POLQ: variants seen among roughly 807,000 people sequenced by gnomAD.
The protein encoded by POLQ is epididymis secretory sperm binding protein.
In POLQ, 233 loss-of-function variants were observed where a neutral mutation model predicts 259.2. The ratio of observed to expected loss-of-function variants is 0.90; its 90% confidence interval spans 0.81 to 1.00. The LOEUF (loss-of-function observed/expected upper bound fraction) is 1.00. POLQ is among the 50% of genes least tolerant of loss of function. The probability of loss-of-function intolerance (pLI) is 0.00; values close to 1 mark genes in which losing one functional copy is unlikely to be tolerated. For synonymous variants in POLQ, 1,025 were observed against 1,048.8 expected, an observed-to-expected ratio of 0.98 and a Z score of 0.44; for missense variants, 2,871 against 3,051.6, an observed-to-expected ratio of 0.94 and a Z score of 1.39.
intron 17 of POLQ, 118 bp downstream of exon 17, chr3:121,484,923 T>C: frequency 1.2e-6 from 1 of 840,724 alleles, no homozygotes; most frequent in South Asian, 2.3e-5. Context: ...AAAAAAAATT[T>C]AACTCTAAAA....
At chr3:121,437,985 T>C (rs943569469) in intron 27 of POLQ, among the ~76,000 whole-genome samples, 2 of 152,110 alleles carry the variant, frequency 1.3e-5, no homozygotes, top group Admixed American at 1.3e-4. Flanking sequence ...GGGAAGGCGA[T>C]GGGTGGTGAT....
chr3:121,431,623 C>A lies in POLQ; in HGVS notation c.*681G>T, dbSNP rs2047493286. ...TTGACCTGCAATAAAAACATCTGAT[C>A]TTACAGAACAGGATACCTCTTGAAG... On this transcript the variant is annotated 3_prime_UTR_variant, in exon 30 of 30. Coordinates refer to ENST00000264233, the MANE Select transcript of POLQ (RefSeq NM_199420.4). The A allele has an allele frequency of 6.6e-6, 1 of 152,482 alleles. No individual in the cohort carries two copies. Among genetic ancestry groups the A allele is most frequent in the African/African-American group, 2.4e-5 (1 of 41,384 alleles). The allele number at this position is 152,482 out of a possible 1,614,324, so 9.4% of individuals were successfully genotyped here.
chr3:121,439,930 C>G, intron 27 of POLQ, 62 bp downstream of exon 27: 3 of 1,413,716 alleles, frequency 2.1e-6, no homozygotes, highest in Non-Finnish European at 3.0e-6. Context: ...AGTATTTACT[C>G]TGCTGAAAAA....
intron 29 of POLQ, 65 bp from the exon 30 acceptor site, chr3:121,432,482 T>C (rs899951313): frequency 1.3e-6 from 2 of 1,548,948 alleles, no homozygotes; most frequent in East Asian, 2.4e-5. Context: ...AACCATCCCC[T>C]GAGAAAGTTA....
Position 121,511,925 on chromosome 3 carries a change from C to T in POLQ, c.1573G>A (p.Glu525Lys). 1.2e-6 allele frequency: 2 copies of T among 1,613,938 alleles called. No homozygotes were observed. The highest frequency in any genetic ancestry group is 1.7e-5 in the Admixed American group (1 of 59,952). The part of the protein sequence containing the change: ...VRSCLQRREG[E>K]EVTGSMIRAI... The stretch of plus-strand genomic sequence containing the variant: ...CGTATCATGCTGCCAGTTACTTCTT[C>T]TCCTTCTCGTCTTTGCAGACAGCTG... Residue 525 changes from glutamate to lysine, a missense_variant, in exon 10 of 30, where the codon GAA (glutamate) becomes AAA (lysine). Coordinates refer to ENST00000264233, the MANE Select transcript of POLQ (RefSeq NM_199420.4).
rs2047781805 is a variant in POLQ at position 121,460,296 on chromosome 3, C to A, written c.6968-62G>T. ...GTTTCTATATCACACAATCCAAGTT[C>A]TATATCATATAATTGAGCAGGATGA... is the stretch of plus-strand genomic sequence containing the variant. On this transcript the variant is annotated intron_variant, in intron 24 of 29. Transcript: ENST00000264233. 4.0e-6 allele frequency: 5 copies of A among 1,246,296 alleles called. No individual in the cohort carries two copies. The South Asian group carries it at 6.5e-5, about 16-fold the overall frequency. 77.2% of individuals were successfully genotyped at this position (1,246,296 alleles called of 1,614,324 possible). A position where few individuals can be genotyped will look rare whatever the true frequency, so the allele number is the denominator to read the frequency against.
chr3:121,458,976 AT>A (rs1307359429), intron 25 of POLQ, among the ~76,000 whole-genome samples: 1 of 152,214 alleles, frequency 6.6e-6, no homozygotes, highest in East Asian at 1.9e-4. Context: ...GGTGGTGTGC[AT>A]TTACCTCAGC....
intron 25 of POLQ, among the ~76,000 whole-genome samples, chr3:121,459,310 TAA>T (rs1377660991): frequency 1.4e-5 from 2 of 147,512 alleles, no homozygotes; most frequent in Non-Finnish European, 3.0e-5. Flanking sequence ...CTTGATGCTA[TAA>T]AAGATATAAA....
intron 25 of POLQ, among the ~76,000 whole-genome samples, chr3:121,454,910 C>G (rs140568483): frequency 6.6e-6 from 1 of 152,172 alleles, no homozygotes; most frequent in Non-Finnish European, 1.5e-5. Flanking sequence ...ACTCTCCACC[C>G]CAAATCAATA....
intron 7 of POLQ, 62 bp from the exon 8 acceptor site, chr3:121,522,211 C>A (rs13059229): frequency 3.0e-6 from 4 of 1,344,916 alleles, no homozygotes; most frequent in Non-Finnish European, 3.1e-6. Context: ...GTGTATCTGT[C>A]TAAATCATAA....
chr3:121,525,029 G>A lies in POLQ; in HGVS notation c.1109-2880C>T, dbSNP rs138338716. The stretch of plus-strand genomic sequence containing the variant: ...CACAGAAACCCCCAGTCAAAAATCC[G>A]CACACAACTTGACTTCCCCAAAAGT... On this transcript the variant is annotated intron_variant, in intron 7 of 29. Coordinates refer to ENST00000264233, the MANE Select transcript of POLQ (RefSeq NM_199420.4). Among the ~76,000 whole-genome samples, 47 of 151,516 alleles carry A rather than the reference G, an allele frequency of 3.1e-4. 1 individual carries two copies. The East Asian group carries it at 8.0e-3, about 26-fold the overall frequency.
chr3:121,439,350 C>A (rs1467324939), intron 27 of POLQ, among the ~76,000 whole-genome samples: 1 of 151,970 alleles, frequency 6.6e-6, no homozygotes, highest in African/African-American at 2.4e-5. Flanking sequence ...CCCACCTCAG[C>A]CTCCCAAGTA....
chr3:121,516,808 A>G (rs1231105599), intron 9 of POLQ, among the ~76,000 whole-genome samples: 2 of 152,254 alleles, frequency 1.3e-5, no homozygotes, highest in African/African-American at 4.8e-5. Flanking sequence ...TCCATAGTGA[A>G]TATAAACCAC....
At chr3:121,432,495 A>C in intron 29 of POLQ, 78 bp from the exon 30 acceptor site, 1 of 1,488,616 alleles carries the variant, frequency 6.7e-7, no homozygotes, top group East Asian at 2.4e-5. Flanking sequence ...GAAAGTTATA[A>C]ACCAGACTGG....
chr3:121,459,369 A>ATTTT (rs58859161), intron 25 of POLQ, among the ~76,000 whole-genome samples: 6,769 of 104,670 alleles, frequency 0.065, 454 homozygotes, highest in Non-Finnish European at 0.085. Flanking sequence ...GACTAGAAAG[A>ATTTT]TTTTTTTTTT....
Position 121,488,463 on chromosome 3 carries a change from G to A in POLQ, c.4468C>T (p.Leu1490=). The A allele has an allele frequency of 6.2e-7, 1 of 1,609,758 alleles. No individual in the cohort carries two copies. Among genetic ancestry groups the A allele is most frequent in the Non-Finnish European group, 8.5e-7 (1 of 1,178,320 alleles). The change falls in exon 16 of 30, where the codon CTA becomes TTA. Residue 1490 remains leucine, a synonymous_variant. Transcript: ENST00000264233. ...TAGTCATCACTGAAGCTATCAAATA[G>A]TAAACTATCACTCATATTCAAACTT... is the stretch of plus-strand genomic sequence containing the variant. ...ETSLNMSDSL[L]FDSFSDDYLV...
In POLQ at chr3:121,493,708, T is replaced by C. The variant is rs765977972; in HGVS notation, c.2292A>G (p.Val764=). Residue 764 remains valine (V), a synonymous_variant, in exon 15 of 30, where the codon GTA becomes GTG. Transcript: ENST00000264233. The part of the protein sequence containing the change: ...SAAVYAGMIT[V]FSNRLGWHNM... ...TGTGCCAGCCCAGACGGTTGGAAAA[T>C]ACTGTAATCATCCCTAGAACATTCA... is the stretch of plus-strand genomic sequence containing the variant. 7 of 1,613,370 alleles carry C rather than the reference T, an allele frequency of 4.3e-6. No homozygotes were observed. The highest frequency in any genetic ancestry group is 1.7e-5 in the Admixed American group (1 of 59,980).
At chr3:121,465,528 TC>T (rs1200360981) in intron 24 of POLQ, among the ~76,000 whole-genome samples, 4 of 151,914 alleles carry the variant, frequency 2.6e-5, no homozygotes, top group South Asian at 2.1e-4. Context: ...CAGGTTTTTT[TC>T]TTAAAGAAAT....
chr3:121,454,058 G>C (rs2047707172), intron 25 of POLQ, among the ~76,000 whole-genome samples: 1 of 152,206 alleles, frequency 6.6e-6, no homozygotes. Context: ...CAAGCCAGAA[G>C]AGAGTGGGGG....
Sources: gnomAD v4.1 joint callset for allele counts (sites outside exome capture counted in the v4.1 genomes callset) on GRCh38, gnomAD v4.1.1 for gene constraint, MANE v1.5 for transcripts, NCBI Gene and HGNC (gene_info 2026-07-23, HGNC 2026-07-21) for gene names.